Variants in RETREG1 observed in about 807,000 individuals in gnomAD.
RETREG1 encodes family with sequence similarity 134 member B.
Under a neutral mutation model 54.8 loss-of-function variants are expected in RETREG1, and 44 were observed. That is an observed-to-expected ratio of 0.80 (90% CI 0.63 to 1.03). The LOEUF (loss-of-function observed/expected upper bound fraction) is 1.03, where lower values mean the gene tolerates loss of function less well. Among genes scored for constraint, RETREG1 ranks in the 50% least tolerant of loss-of-function variants. The pLI, the probability that RETREG1 is intolerant of heterozygous loss-of-function variation, is 0.00. For missense variants in RETREG1, 554 were observed against 605.1 expected, an observed-to-expected ratio of 0.92 and a Z score of 0.89; for synonymous variants, 217 against 238.5, an observed-to-expected ratio of 0.91 and a Z score of 0.83.
At chr5:16,529,387 T>C (rs1368463157) in intron 3 of RETREG1, among the ~76,000 whole-genome samples, 3 of 152,204 alleles carry the variant, frequency 2.0e-5, no homozygotes, top group Non-Finnish European at 2.9e-5. Context: ...TTTACCGCAT[T>C]GGCTAAGTTT....
At chr5:16,495,779 C>T (rs193264656) in intron 3 of RETREG1, among the ~76,000 whole-genome samples, 2,040 of 146,868 alleles carry the variant, frequency 0.014, 17 homozygotes, top group Non-Finnish European at 0.019. Context: ...CCAGCCTGGG[C>T]GACAGAGCGA....
In RETREG1 at chr5:16,571,177, T is replaced by C. The variant is rs1381828482; in HGVS notation, c.427+819A>G. ...TCAGGGAGGAGATGGGTGCCTCCCATAGGGCAGGCCTAGATATCCCTGCCA... is the reference window on the plus strand; with the variant it reads ...TCAGGGAGGAGATGGGTGCCTCCCACAGGGCAGGCCTAGATATCCCTGCCA... On this transcript the variant is annotated intron_variant, in intron 2 of 8. Coordinates refer to ENST00000306320, the MANE Select transcript of RETREG1 (RefSeq NM_001034850.3). 3.7e-4 allele frequency among the ~76,000 whole-genome samples: 56 copies of C among 152,178 alleles called. 1 individual carries two copies. The highest frequency in any genetic ancestry group is 3.6e-3 in the Admixed American group (55 of 15,282).
chr5:16,584,151 G>C (rs920389562), intron 1 of RETREG1, among the ~76,000 whole-genome samples: 1 of 152,220 alleles, frequency 6.6e-6, no homozygotes, highest in Admixed American at 6.5e-5. Context: ...AAGGGTGGAG[G>C]GGGGTGAGGG....
chr5:16,506,051 G>A (rs1034685916), intron 3 of RETREG1, among the ~76,000 whole-genome samples: 7 of 152,372 alleles, frequency 4.6e-5, no homozygotes, highest in Non-Finnish European at 7.3e-5. Context: ...CTCTCAGGCC[G>A]TTGGTTCACC....
chr5:16,614,580 T>C (rs1249716621), intron 1 of RETREG1, among the ~76,000 whole-genome samples: 2 of 152,166 alleles, frequency 1.3e-5, no homozygotes, highest in African/African-American at 4.8e-5. Flanking sequence ...TATAAATTGT[T>C]AGAACCCTAA....
chr5:16,586,224 G>A (rs1742622956), intron 1 of RETREG1, among the ~76,000 whole-genome samples: 1 of 152,170 alleles, frequency 6.6e-6, no homozygotes, highest in African/African-American at 2.4e-5. Flanking sequence ...GGGCAGCTGG[G>A]TTTTTATGCA....
chr5:16,517,295 A>T (rs1398082576), intron 3 of RETREG1, among the ~76,000 whole-genome samples: 1 of 152,196 alleles, frequency 6.6e-6, no homozygotes, highest in Non-Finnish European at 1.5e-5. Context: ...ACACTCTTGA[A>T]GCAGAGGCTA....
At chr5:16,537,765 CCATGCAGCATGCAG>C (rs35902793) in intron 3 of RETREG1, among the ~76,000 whole-genome samples, 6 of 136,300 alleles carry the variant, frequency 4.4e-5, no homozygotes, top group African/African-American at 1.3e-4. Flanking sequence ...AGGGTCAGCA[CCATGCAGCATGCAG>C]CATGCAGCAT....
At chr5:16,535,365 C>A (rs190199160) in intron 3 of RETREG1, among the ~76,000 whole-genome samples, 1 of 151,834 alleles carries the variant, frequency 6.6e-6, no homozygotes, top group East Asian at 2.0e-4. Context: ...GCTGGAGCTC[C>A]TGCGTGCATG....
At chr5:16,504,750 A>G (rs147890581) in intron 3 of RETREG1, among the ~76,000 whole-genome samples, 66 of 152,260 alleles carry the variant, frequency 4.3e-4, no homozygotes, top group African/African-American at 1.6e-3. Context: ...TGTTTACTTC[A>G]GCTCTCTGTA....
chr5:16,475,265 A>T, intron 8 of RETREG1, 31 bp from the exon 9 acceptor site: 2 of 1,605,136 alleles, frequency 1.2e-6, no homozygotes. Flanking sequence ...GTTCAGACTG[A>T]AGCACCATAA....
chr5:16,502,243 C>A lies in RETREG1; in HGVS notation c.459-18771G>T, dbSNP rs558029678. 6.6e-5 allele frequency among the ~76,000 whole-genome samples: 10 copies of A among 152,308 alleles called. No homozygotes were observed. In the East Asian group the frequency reaches 1.4e-3, roughly 21 times the overall value. ...AAAGTGCTGGGATTACAGGCGTGAGCCACCATGCCCAGCCTAAGTAAGCAT... is the reference window on the plus strand; with the variant it reads ...AAAGTGCTGGGATTACAGGCGTGAGACACCATGCCCAGCCTAAGTAAGCAT... On this transcript the variant is annotated intron_variant, in intron 3 of 8. Coordinates refer to ENST00000306320, the MANE Select transcript of RETREG1 (RefSeq NM_001034850.3).
intron 3 of RETREG1, among the ~76,000 whole-genome samples, chr5:16,499,369 C>T (rs952708628): frequency 2.0e-5 from 3 of 152,164 alleles, no homozygotes; most frequent in African/African-American, 7.2e-5. Context: ...CATATATGTG[C>T]CATATAATTT....
At chr5:16,500,928 C>G (rs186466340) in intron 3 of RETREG1, among the ~76,000 whole-genome samples, 1 of 152,154 alleles carries the variant, frequency 6.6e-6, no homozygotes, top group East Asian at 1.9e-4. Flanking sequence ...TTGCACACCC[C>G]CTAGAGGAGA....
At position 16,474,947 on chromosome 5, in the gene RETREG1, C is replaced by CT; in HGVS notation, c.1287dup (p.Glu430ArgfsTer21). ...TGAGAAAGTGCTTGCTGCACACCCTCTAACTGGTCTTTGATAGCTGCAGTC... is the reference window on the plus strand; with the variant it reads ...TGAGAAAGTGCTTGCTGCACACCCTCTTAACTGGTCTTTGATAGCTGCAGTC... On this transcript the variant is annotated frameshift_variant, in exon 9 of 9. Transcript: ENST00000306320. LOFTEE classifies it high-confidence loss of function. 1 of 1,613,904 alleles carries CT rather than the reference C, an allele frequency of 6.2e-7. No homozygotes were observed. Among genetic ancestry groups the CT allele is most frequent in the Non-Finnish European group, 8.5e-7 (1 of 1,179,938 alleles).
chr5:16,595,673 C>G (rs988143881), intron 1 of RETREG1, among the ~76,000 whole-genome samples: 17 of 152,304 alleles, frequency 1.1e-4, no homozygotes, highest in Non-Finnish European at 1.8e-4. Flanking sequence ...TGATCAAATA[C>G]AAGCTATTAC....
intron 3 of RETREG1, among the ~76,000 whole-genome samples, chr5:16,534,532 C>T (rs1741000610): frequency 6.6e-6 from 1 of 152,148 alleles, no homozygotes; most frequent in Non-Finnish European, 1.5e-5. Flanking sequence ...GAGAGATTAC[C>T]ATGCTTATTT....
intron 3 of RETREG1, among the ~76,000 whole-genome samples, chr5:16,534,495 G>A (rs1420140201): frequency 6.6e-6 from 1 of 152,354 alleles, no homozygotes; most frequent in East Asian, 1.9e-4. Context: ...TTGCTGGGGA[G>A]TGGGGACATA....
intron 1 of RETREG1, among the ~76,000 whole-genome samples, chr5:16,576,367 A>G (rs1742318007): frequency 6.7e-6 from 1 of 148,344 alleles, no homozygotes. Flanking sequence ...ATCTTGGCTC[A>G]GTGCAACCTC....
Sources: allele counts gnomAD v4.1 joint callset (sites outside exome capture counted in the v4.1 genomes callset), GRCh38; gene constraint gnomAD v4.1.1; transcripts MANE v1.5; gene names NCBI Gene and HGNC (gene_info 2026-07-23, HGNC 2026-07-21).